UQCRC2: variants seen among roughly 807,000 people sequenced by gnomAD.
The protein encoded by UQCRC2 is cytochrome b-c1 complex subunit 2, mitochondrial.
In UQCRC2, 49 loss-of-function variants were observed where a neutral mutation model predicts 55.6. The observed-to-expected ratio is 0.88, with a 90% confidence interval of 0.70 to 1.12. UQCRC2 has a LOEUF of 1.12. Ranked by LOEUF, UQCRC2 falls within the 50% of genes most tolerant of loss-of-function variation. UQCRC2 has a pLI of 0.00. For synonymous variants in UQCRC2, 193 were observed against 192.0 expected (o/e 1.01, Z -0.04); for missense variants, 506 against 547.8 (o/e 0.92, Z 0.76).
At position 21,965,408 on chromosome 16, in the gene UQCRC2, A is replaced by T. The variant is rs1898301808; in HGVS notation, c.515A>T (p.His172Leu). The change falls in exon 7 of 14, where the codon CAT (histidine) becomes CTT (leucine). Residue 172 changes from histidine (H) to leucine (L), a missense_variant and splice_region_variant. Physicochemically the swap from His to Leu is moderately conservative, Grantham distance 99 (BLOSUM62 -3). Coordinates refer to ENST00000268379, the MANE Select transcript of UQCRC2 (RefSeq NM_003366.4). The stretch of plus-strand genomic sequence containing the variant: ...AAATGCTTCTTCACTTATCTCACAG[A>T]TGTCATTGAAAATTTGCATGCAGCA... The part of the protein sequence containing the change: ...KAVAFQNPQT[H>L]VIENLHAAAY... 1 of 1,613,648 alleles carries T rather than the reference A, an allele frequency of 6.2e-7. No homozygotes were observed. The highest frequency in any genetic ancestry group is 1.7e-5 in the Admixed American group (1 of 59,996).
intron 8 of UQCRC2, 61 bp downstream of exon 8, chr16:21,968,746 T>C: frequency 6.8e-7 from 1 of 1,470,068 alleles, no homozygotes; most frequent in Non-Finnish European, 9.2e-7. Context: ...CCTTAAACTG[T>C]AATTACGTGA....
chr16:21,957,362 C>G (rs918659908), intron 2 of UQCRC2, 44 bp downstream of exon 2: 1 of 1,613,800 alleles, frequency 6.2e-7, no homozygotes, highest in African/African-American at 1.3e-5. Flanking sequence ...ACATGCCTTA[C>G]TCTCCTTGGT....
At chr16:21,977,605 C>G (rs779955146) in intron 12 of UQCRC2, among the ~76,000 whole-genome samples, 1 of 152,170 alleles carries the variant, frequency 6.6e-6, no homozygotes, top group African/African-American at 2.4e-5. Context: ...ATTAGTAGTT[C>G]GAGGGTTTCT....
intron 11 of UQCRC2, among the ~76,000 whole-genome samples, chr16:21,975,529 G>T (rs996829462): frequency 4.6e-5 from 7 of 152,110 alleles, no homozygotes; most frequent in Non-Finnish European, 8.8e-5. Context: ...GAAAATCATG[G>T]TCAGATTTAT....
intron 13 of UQCRC2, 73 bp downstream of exon 13, chr16:21,980,773 T>C: frequency 6.4e-7 from 1 of 1,557,706 alleles, no homozygotes; most frequent in South Asian, 1.2e-5. Context: ...GAAGGATGCA[T>C]AAGCGTCCTT....
chr16:21,968,583 A>T (rs749807095), intron 7 of UQCRC2, 45 bp from the exon 8 acceptor site: 1 of 1,513,674 alleles, frequency 6.6e-7, no homozygotes. Context: ...ACAGCTTTTT[A>T]TATTTATGCT....
At chr16:21,980,443 A>C (rs185152753) in intron 12 of UQCRC2, 104 bp from the exon 13 acceptor site, 1 of 1,209,358 alleles carries the variant, frequency 8.3e-7, no homozygotes, top group African/African-American at 1.5e-5. Flanking sequence ...CTGTTACTCT[A>C]TCCATTAAAT....
chr16:21,964,683 T>C (rs1898283675), intron 6 of UQCRC2, among the ~76,000 whole-genome samples: 1 of 152,210 alleles, frequency 6.6e-6, no homozygotes, highest in African/African-American at 2.4e-5. Flanking sequence ...TTAATTGTTT[T>C]CCAATTCCCA....
In UQCRC2 at chr16:21,953,414, A is replaced by G. The variant is rs776820013; in HGVS notation, c.-10A>G. On this transcript the variant is annotated 5_prime_UTR_variant, in exon 1 of 14. Coordinates refer to ENST00000268379, the MANE Select transcript of UQCRC2 (RefSeq NM_003366.4). ...CCGGCAGTGACCGTGTGTCAGAACA[A>G]TCTTGAATCATGAAGCTACTAACCA... 4 of 1,612,540 alleles carry G rather than the reference A, an allele frequency of 2.5e-6. No individual in the cohort carries two copies. Among genetic ancestry groups the G allele is most frequent in the Admixed American group, 3.3e-5 (2 of 59,806 alleles).
At chr16:21,966,417 T>C (rs1466516527) in intron 7 of UQCRC2, among the ~76,000 whole-genome samples, 1 of 152,144 alleles carries the variant, frequency 6.6e-6, no homozygotes, top group Non-Finnish European at 1.5e-5. Flanking sequence ...TCTACAAGTG[T>C]AGATATGTGC....
chr16:21,980,757 A>T, intron 13 of UQCRC2, 57 bp downstream of exon 13: 1 of 1,593,866 alleles, frequency 6.3e-7, no homozygotes, highest in Non-Finnish European at 8.6e-7. Context: ...TAATGATCCA[A>T]TTTCAGAAGG....
At chr16:21,955,472 T>G (rs919675261) in intron 1 of UQCRC2, among the ~76,000 whole-genome samples, 20 of 152,162 alleles carry the variant, frequency 1.3e-4, no homozygotes, top group African/African-American at 4.3e-4. Context: ...GCACCAAATT[T>G]TATTCACTCA....
chr16:21,971,396 C>A, intron 8 of UQCRC2, 129 bp from the exon 9 acceptor site: 1 of 718,766 alleles, frequency 1.4e-6, no homozygotes, highest in Non-Finnish European at 2.3e-6. Context: ...GGCATTATGG[C>A]AGGAAGACTC....
intron 12 of UQCRC2, among the ~76,000 whole-genome samples, chr16:21,979,086 A>G (rs1898653577): frequency 6.6e-6 from 1 of 152,206 alleles, no homozygotes; most frequent in Non-Finnish European, 1.5e-5. Flanking sequence ...ACTTCATACA[A>G]GGAAAAGGCA....
intron 1 of UQCRC2, among the ~76,000 whole-genome samples, chr16:21,956,314 C>T (rs922654821): frequency 1.3e-5 from 2 of 152,050 alleles, no homozygotes; most frequent in Non-Finnish European, 2.9e-5. Context: ...GAGGCCGAGG[C>T]GGGTGGATTG....
chr16:21,976,273 T>C (rs1386105604), intron 12 of UQCRC2, 30 bp downstream of exon 12: 1 of 1,544,464 alleles, frequency 6.5e-7, no homozygotes, highest in Admixed American at 1.7e-5. Context: ...GTGTTTTATG[T>C]TTTTGTTATT....
At chr16:21,968,997 G>A (rs892599356) in intron 8 of UQCRC2, among the ~76,000 whole-genome samples, 1 of 152,190 alleles carries the variant, frequency 6.6e-6, no homozygotes, top group Non-Finnish European at 1.5e-5. Context: ...TAGAAAAACA[G>A]GCAAAGGGCA....
intron 13 of UQCRC2, among the ~76,000 whole-genome samples, chr16:21,982,578 C>G (rs1256075809): frequency 1.3e-5 from 2 of 152,176 alleles, no homozygotes; most frequent in African/African-American, 4.8e-5. Context: ...AGAGAAACAG[C>G]TAAGCTTTTC....
intron 13 of UQCRC2, among the ~76,000 whole-genome samples, chr16:21,981,676 T>G (rs1597971366): frequency 6.6e-6 from 1 of 151,630 alleles, no homozygotes; most frequent in South Asian, 2.1e-4. Context: ...GGTGGGAAGG[T>G]GGCTTGAGCC....
Sources: gnomAD v4.1 joint callset for allele counts (sites outside exome capture counted in the v4.1 genomes callset) on GRCh38, gnomAD v4.1.1 for gene constraint, MANE v1.5 for transcripts, NCBI Gene and HGNC (gene_info 2026-07-23, HGNC 2026-07-21) for gene names.